The following SPATA45 variants were observed in gnomAD, a reference collection of about 807,000 sequenced individuals.
The protein encoded by SPATA45 is spermatogenesis associated 45, also known as spermatogenesis-associated protein 45.
Under a neutral mutation model 7.0 loss-of-function variants are expected in SPATA45, and 5 were observed. The observed-to-expected ratio is 0.71, with a 90% confidence interval of 0.37 to 1.50. The LOEUF (loss-of-function observed/expected upper bound fraction) is 1.50. Ranked by LOEUF, SPATA45 falls within the 40% of genes most tolerant of loss-of-function variation. The probability of loss-of-function intolerance (pLI) is 0.03; values close to 1 mark genes in which losing one functional copy is unlikely to be tolerated. For missense variants in SPATA45, 111 were observed against 114.9 expected, an observed-to-expected ratio of 0.97 and a Z score of 0.16; for synonymous variants, 40 against 38.7, an observed-to-expected ratio of 1.03 and a Z score of -0.13.
At chr1:212,842,840 G>A (rs1357149042) in intron 1 of SPATA45, among the ~76,000 whole-genome samples, 3 of 151,862 alleles carry the variant, frequency 2.0e-5, no homozygotes, top group Admixed American at 6.6e-5. Context: ...TGTAATCCCA[G>A]CATGTTGGGA....
intron 1 of SPATA45, among the ~76,000 whole-genome samples, chr1:212,845,283 C>T (rs987005590): frequency 9.2e-5 from 14 of 152,190 alleles, no homozygotes; most frequent in African/African-American, 3.4e-4. Context: ...CCCTTCCCTA[C>T]ACATCAAGCT....
Position 212,834,597 on chromosome 1 carries a change from C to A in SPATA45, c.277+1276G>T, listed in dbSNP as rs749868095. Among the ~76,000 whole-genome samples, 10 of 151,344 alleles carry A rather than the reference C, an allele frequency of 6.6e-5. 1 individual carries two copies. The highest frequency in any genetic ancestry group is 1.5e-4 in the Non-Finnish European group (10 of 67,674). ...TCCCAAGTAGCTGGGACTAAAGGTG[C>A]GTGCCACCACGCCCAGCTAATTTTT... On this transcript the variant is annotated intron_variant, in intron 2 of 2. Coordinates refer to ENST00000332912, the MANE Select transcript of SPATA45 (RefSeq NM_001024601.3).
At chr1:212,836,399 C>T (rs1663586952) in intron 1 of SPATA45, among the ~76,000 whole-genome samples, 1 of 151,608 alleles carries the variant, frequency 6.6e-6, no homozygotes, top group East Asian at 1.9e-4. Context: ...GGCATGATCT[C>T]AGCTCACTGC....
rs1273208983 is a variant in SPATA45, at chr1:212,833,682, T to C, written c.277+2191A>G. ...ACAGAATTGAAGAGAGTTGGGGCCTTGCTCTGGGTTAGGCTTTGACTTAAG... is the reference window on the plus strand; with the variant it reads ...ACAGAATTGAAGAGAGTTGGGGCCTCGCTCTGGGTTAGGCTTTGACTTAAG... On this transcript the variant is annotated intron_variant, in intron 2 of 2. Coordinates refer to ENST00000332912, the MANE Select transcript of SPATA45 (RefSeq NM_001024601.3). Among the ~76,000 whole-genome samples the C allele has an allele frequency of 2.6e-5, 4 of 151,602 alleles. No individual in the cohort carries two copies. In the East Asian group the frequency reaches 5.8e-4, roughly 22 times the overall value.
intron 2 of SPATA45, among the ~76,000 whole-genome samples, chr1:212,835,635 C>T (rs1235568322): frequency 1.3e-5 from 2 of 151,302 alleles, no homozygotes; most frequent in East Asian, 3.9e-4. Flanking sequence ...GAGTTTGAGA[C>T]CAGCCTGGCC....
intron 2 of SPATA45, among the ~76,000 whole-genome samples, chr1:212,832,495 C>G (rs1663508296): frequency 6.6e-6 from 1 of 150,680 alleles, no homozygotes; most frequent in Non-Finnish European, 1.5e-5. Flanking sequence ...AGGCATGAGC[C>G]AGCACACCAA....
chr1:212,842,239 G>T (rs1044815157), intron 1 of SPATA45, among the ~76,000 whole-genome samples: 3 of 151,910 alleles, frequency 2.0e-5, no homozygotes, highest in Admixed American at 2.0e-4. Context: ...TTAGCCAAGT[G>T]TGGTGGCAGG....
At position 212,843,029 on chromosome 1, in the gene SPATA45, GGAGCTTGCAGCGAGCCGA is replaced by G. The variant is rs1201587266; in HGVS notation, c.-39+4533_-39+4550del. Among the ~76,000 whole-genome samples the G allele has an allele frequency of 2.0e-5, 3 of 151,470 alleles. No homozygotes were observed. In the East Asian group the frequency reaches 5.8e-4, roughly 29 times the overall value. ...GGAGAATGGTGTGAACCCAGGAGGC[GGAGCTTGCAGCGAGCCGA>G]GATTGCACCACTGCACTCCAGCCTG... On this transcript the variant is annotated intron_variant, in intron 1 of 2. Transcript: ENST00000332912.
intron 1 of SPATA45, among the ~76,000 whole-genome samples, chr1:212,843,100 T>TACACACAC (rs367648433): frequency 0.054 from 6,556 of 121,916 alleles, 315 homozygotes; most frequent in Non-Finnish European, 0.073. Flanking sequence ...CCGTCAAACA[T>TACACACAC]ACACACACAC....
At chr1:212,832,538 T>A (rs1185442275) in intron 2 of SPATA45, among the ~76,000 whole-genome samples, 1 of 151,314 alleles carries the variant, frequency 6.6e-6, no homozygotes, top group Non-Finnish European at 1.5e-5. Context: ...ATTTTATTCA[T>A]CACTGTATTG....
intron 2 of SPATA45, among the ~76,000 whole-genome samples, chr1:212,832,464 C>T (rs542246781): frequency 1.3e-5 from 2 of 148,332 alleles, no homozygotes; most frequent in African/African-American, 4.9e-5. Context: ...CTGCCTCAGC[C>T]TACCAAAGTG....
chr1:212,831,514 A>G (rs1663486464), intron 2 of SPATA45, among the ~76,000 whole-genome samples: 1 of 150,944 alleles, frequency 6.6e-6, no homozygotes, highest in Non-Finnish European at 1.5e-5. Context: ...AAAGCATGAT[A>G]CTAGTCAATG....
At chr1:212,836,511 A>G (rs770807499) in intron 1 of SPATA45, among the ~76,000 whole-genome samples, 2 of 151,286 alleles carry the variant, frequency 1.3e-5, no homozygotes, top group Non-Finnish European at 3.0e-5. Flanking sequence ...TTCTATTATC[A>G]GTAGAGATGG....
chr1:212,845,525 C>G (rs192887599), intron 1 of SPATA45, among the ~76,000 whole-genome samples: 77 of 152,248 alleles, frequency 5.1e-4, no homozygotes, highest in Middle Eastern at 6.8e-3. Context: ...CTTTATTAGT[C>G]AAATCACCTG....
At chr1:212,836,938 T>C (rs938823623) in intron 1 of SPATA45, among the ~76,000 whole-genome samples, 6 of 151,316 alleles carry the variant, frequency 4.0e-5, no homozygotes, top group African/African-American at 1.5e-4. Context: ...ATTACAGGCA[T>C]GAGCCACCGT....
At chr1:212,834,559 T>C (rs1663554967) in intron 2 of SPATA45, among the ~76,000 whole-genome samples, 1 of 151,172 alleles carries the variant, frequency 6.6e-6, no homozygotes, top group African/African-American at 2.4e-5. Context: ...CAAACAATTC[T>C]CCTGCCTCAG....
intron 2 of SPATA45, among the ~76,000 whole-genome samples, 188 bp from the exon 3 acceptor site, chr1:212,830,449 A>G (rs1663465350): frequency 6.6e-6 from 1 of 151,220 alleles, no homozygotes. Flanking sequence ...AGGTGGGCGG[A>G]TCACGAGGTC....
chr1:212,836,797 C>A (rs1663593806), intron 1 of SPATA45, among the ~76,000 whole-genome samples: 1 of 150,470 alleles, frequency 6.6e-6, no homozygotes, highest in African/African-American at 2.4e-5. Context: ...TACAGGCATG[C>A]ACCACCATGC....
rs564335868 is a variant in SPATA45, at chr1:212,838,052, G to A, written c.-38-1865C>T. ...GTGATGGCTCACACCTACAATCCCA[G>A]CACTTTGGGAGGCCGAGGTGTATGG... On this transcript the variant is annotated intron_variant, in intron 1 of 2. Transcript: ENST00000332912. Among the ~76,000 whole-genome samples, 30 of 151,750 alleles carry A rather than the reference G, an allele frequency of 2.0e-4. 1 individual carries two copies. The South Asian group carries it at 5.2e-3, about 27-fold the overall frequency.
Sources: allele counts gnomAD v4.1 joint callset (sites outside exome capture counted in the v4.1 genomes callset), GRCh38; gene constraint gnomAD v4.1.1; transcripts MANE v1.5; gene names NCBI Gene and HGNC (gene_info 2026-07-23, HGNC 2026-07-21).